The following TRIM44 variants were observed in gnomAD, a reference collection of about 807,000 sequenced individuals.
TRIM44 encodes the protein tripartite motif containing 44, also known as tripartite motif-containing protein 44.
A neutral mutation model predicts 37.4 loss-of-function variants in TRIM44; 13 were observed. The ratio of observed to expected loss-of-function variants is 0.35; its 90% CI spans 0.23 to 0.55. The LOEUF is 0.55. TRIM44 is among the 20% of genes least tolerant of loss of function. The pLI is 0.89. For synonymous variants in TRIM44, 175 were observed against 157.2 expected (o/e 1.11, Z -0.85); for missense variants, 426 against 437.2 (o/e 0.97, Z 0.23).
At chr11:35,726,308 A>G in intron 3 of TRIM44, 145 bp downstream of exon 3, 1 of 1,100,732 alleles carries the variant, frequency 9.1e-7, no homozygotes, top group Non-Finnish European at 1.3e-6. Flanking sequence ...ATAAACCAGT[A>G]TGGAAGTATT....
intron 2 of TRIM44, among the ~76,000 whole-genome samples, chr11:35,707,585 A>G (rs1015266851): frequency 3.4e-5 from 5 of 148,584 alleles, no homozygotes; most frequent in African/African-American, 9.7e-5. Context: ...TTGGAACAGA[A>G]AAGAGCCCTC....
Position 35,740,096 on chromosome 11 carries a change from TAAA to T in TRIM44, c.1007+4672_1007+4674del, listed in dbSNP as rs1258985035. On this transcript the variant is annotated intron_variant, in intron 4 of 4. Coordinates refer to ENST00000299413, the MANE Select transcript of TRIM44 (RefSeq NM_017583.6). The stretch of plus-strand genomic sequence containing the variant: ...CCTGGTGACAGAGCAAGACTCTGTC[TAAA>T]AAAAAAAAAAAAAAAAAAAAGGTAC... Among the ~76,000 whole-genome samples, 245 of 64,552 alleles carry T rather than the reference TAAA, an allele frequency of 3.8e-3. No individual in the cohort carries two copies. In the Middle Eastern group the frequency reaches 0.051, roughly 14 times the overall value. 42.3% of individuals were successfully genotyped at this position (64,552 alleles called of 152,430 possible).
At chr11:35,750,312 C>A (rs1268094977) in intron 4 of TRIM44, among the ~76,000 whole-genome samples, 1 of 152,180 alleles carries the variant, frequency 6.6e-6, no homozygotes, top group Non-Finnish European at 1.5e-5. Context: ...TGTGTCTGCT[C>A]AACTCACATT....
intron 4 of TRIM44, among the ~76,000 whole-genome samples, chr11:35,773,146 G>T (rs1174155103): frequency 1.3e-5 from 2 of 152,046 alleles, no homozygotes; most frequent in African/African-American, 2.4e-5. Context: ...TGTAAGAAGT[G>T]CCATTGCCTC....
At chr11:35,734,667 A>G (rs1466108340) in intron 3 of TRIM44, among the ~76,000 whole-genome samples, 1 of 152,224 alleles carries the variant, frequency 6.6e-6, no homozygotes, top group African/African-American at 2.4e-5. Context: ...ATTTGATCAC[A>G]GAAGGAAGCT....
intron 2 of TRIM44, among the ~76,000 whole-genome samples, chr11:35,711,038 A>G (rs1851964029): frequency 6.6e-6 from 1 of 152,136 alleles, no homozygotes; most frequent in Non-Finnish European, 1.5e-5. Flanking sequence ...GGACTGAGGG[A>G]GGTGGAGGAA....
chr11:35,806,758 G>A lies in TRIM44; in HGVS notation c.*373G>A, dbSNP rs557678893. The stretch of plus-strand genomic sequence containing the variant: ...GAAGGATCTGGAATAATCTTGAAGG[G>A]AAGTCAGAGTTTTCTCCCTGCCTAT... On this transcript the variant is annotated 3_prime_UTR_variant, in exon 5 of 5. Transcript: ENST00000299413. The A allele has an allele frequency of 5.3e-6, 1 of 189,876 alleles. No individual in the cohort carries two copies. Among genetic ancestry groups the A allele is most frequent in the South Asian group, 1.5e-4 (1 of 6,812 alleles). 11.8% of individuals were successfully genotyped at this position (189,876 alleles called of 1,614,324 possible).
intron 4 of TRIM44, among the ~76,000 whole-genome samples, chr11:35,760,188 A>G (rs1011465612): frequency 6.6e-6 from 1 of 152,164 alleles, no homozygotes; most frequent in Non-Finnish European, 1.5e-5. Context: ...AAGCCTCGGT[A>G]ATGGCAGGTG....
At chr11:35,777,957 T>C (rs994853457) in intron 4 of TRIM44, among the ~76,000 whole-genome samples, 3 of 152,122 alleles carry the variant, frequency 2.0e-5, no homozygotes, top group Non-Finnish European at 4.4e-5. Flanking sequence ...TCTCAAGGAG[T>C]ATCTTTGTGG....
rs544780403 is a variant in TRIM44 at position 35,724,394 on chromosome 11, T to C, written c.748-1530T>C. 14 of 152,306 alleles carry C rather than the reference T, an allele frequency of 9.2e-5. No individual in the cohort carries two copies. The South Asian group carries it at 2.9e-3, about 32-fold the overall frequency. 9.4% of individuals were successfully genotyped at this position (152,306 alleles called of 1,614,324 possible). A position where few individuals can be genotyped will look rare whatever the true frequency, so the allele number is the denominator to read the frequency against. ...GTTTGCAACCGTGTCCATTTCCTTATCTGTAAAAGGAAGGGGTTCATTTAG... is the reference window on the plus strand; with the variant it reads ...GTTTGCAACCGTGTCCATTTCCTTACCTGTAAAAGGAAGGGGTTCATTTAG... On this transcript the variant is annotated intron_variant, in intron 2 of 4. Coordinates refer to ENST00000299413, the MANE Select transcript of TRIM44 (RefSeq NM_017583.6).
intron 2 of TRIM44, among the ~76,000 whole-genome samples, chr11:35,705,293 A>C (rs1304622836): frequency 6.6e-6 from 1 of 152,096 alleles, no homozygotes; most frequent in Non-Finnish European, 1.5e-5. Context: ...AGAGACTTAG[A>C]TTCCCACACA....
chr11:35,782,879 A>T (rs914610373), intron 4 of TRIM44, among the ~76,000 whole-genome samples: 2 of 152,234 alleles, frequency 1.3e-5, no homozygotes, highest in African/African-American at 4.8e-5. Context: ...TGCCAAATAT[A>T]TAATTTCATT....
chr11:35,739,079 G>T (rs1379455503), intron 4 of TRIM44, among the ~76,000 whole-genome samples: 1 of 151,954 alleles, frequency 6.6e-6, no homozygotes, highest in African/African-American at 2.4e-5. Flanking sequence ...TGATATTAGG[G>T]GACCAAATGT....
At chr11:35,679,462 G>T (rs1024019231) in intron 1 of TRIM44, among the ~76,000 whole-genome samples, 1 of 152,132 alleles carries the variant, frequency 6.6e-6, no homozygotes, top group Non-Finnish European at 1.5e-5. Context: ...CAAACACAAG[G>T]AACATTAGAG....
chr11:35,685,536 A>T (rs1851565079), intron 2 of TRIM44, among the ~76,000 whole-genome samples, 200 bp downstream of exon 2: 2 of 152,248 alleles, frequency 1.3e-5, no homozygotes, highest in Non-Finnish European at 2.9e-5. Flanking sequence ...GACTTACAAC[A>T]CATAATCATT....
intron 1 of TRIM44, among the ~76,000 whole-genome samples, chr11:35,671,302 T>A (rs1382772296): frequency 6.6e-6 from 1 of 152,150 alleles, no homozygotes; most frequent in African/African-American, 2.4e-5. Context: ...TTTTTGACCT[T>A]AGGCAAGTTA....
At chr11:35,712,684 A>G (rs1475518170) in intron 2 of TRIM44, among the ~76,000 whole-genome samples, 2 of 152,174 alleles carry the variant, frequency 1.3e-5, no homozygotes, top group Non-Finnish European at 1.5e-5. Context: ...GAGACTTGAT[A>G]GTATACTCTT....
In TRIM44 at chr11:35,812,342, CTGCT is replaced by C. The variant is rs1241257679; in HGVS notation, c.*5960_*5963del. ...CAGAAATAGAAACAAAAGCAAAAGA[CTGCT>C]TGAAGTCAGTAACAGACTGCACTAA... On this transcript the variant is annotated 3_prime_UTR_variant, in exon 5 of 5. Coordinates refer to ENST00000299413, the MANE Select transcript of TRIM44 (RefSeq NM_017583.6). 1 of 152,170 alleles carries C rather than the reference CTGCT, an allele frequency of 6.6e-6. No individual in the cohort carries two copies. Among genetic ancestry groups the C allele is most frequent in the Non-Finnish European group, 1.5e-5 (1 of 68,032 alleles). 9.4% of individuals were successfully genotyped at this position (152,170 alleles called of 1,614,324 possible).
At position 35,733,220 on chromosome 11, in the gene TRIM44, T is replaced by A. The variant is rs183870149; in HGVS notation, c.988-2206T>A. On this transcript the variant is annotated intron_variant, in intron 3 of 4. Coordinates refer to ENST00000299413, the MANE Select transcript of TRIM44 (RefSeq NM_017583.6). ...CCAAAAGCTTCACTTTTGGGATTAATGAACCAGAATTTGAGACCATGTTTT... is the reference window on the plus strand; with the variant it reads ...CCAAAAGCTTCACTTTTGGGATTAAAGAACCAGAATTTGAGACCATGTTTT... 2.9e-3 allele frequency among the ~76,000 whole-genome samples: 443 copies of A among 152,310 alleles called. 1 individual carries two copies. Among genetic ancestry groups the A allele is most frequent in the African/African-American group, 9.7e-3 (405 of 41,578 alleles).
Sources: allele counts gnomAD v4.1 joint callset (sites outside exome capture counted in the v4.1 genomes callset), GRCh38; gene constraint gnomAD v4.1.1; transcripts MANE v1.5; gene names NCBI Gene and HGNC (gene_info 2026-07-23, HGNC 2026-07-21).